The following ATPAF1 variants were observed in gnomAD, a reference collection of about 807,000 sequenced individuals.
ATPAF1 encodes the protein ATP synthase mitochondrial F1 complex assembly factor 1.
A neutral mutation model predicts 43.9 loss-of-function variants in ATPAF1; 26 were observed. That is an observed-to-expected ratio of 0.59 (90% CI 0.43 to 0.82). The LOEUF (loss-of-function observed/expected upper bound fraction) is 0.82, where lower values mean the gene tolerates loss of function less well. ATPAF1 is among the 40% of genes least tolerant of loss of function. ATPAF1 has a pLI of 0.00. For synonymous variants in ATPAF1, 157 were observed against 168.0 expected, an observed-to-expected ratio of 0.93 and a Z score of 0.50; for missense variants, 366 against 435.0, an observed-to-expected ratio of 0.84 and a Z score of 1.41.
intron 8 of ATPAF1, among the ~76,000 whole-genome samples, chr1:46,637,689 C>A (rs1675868403): frequency 6.6e-6 from 1 of 152,200 alleles, no homozygotes; most frequent in Non-Finnish European, 1.5e-5. Context: ...ACTTTCAGGA[C>A]ATTTCTCATG....
At chr1:46,656,127 G>A (rs942741971) in intron 4 of ATPAF1, among the ~76,000 whole-genome samples, 1 of 152,130 alleles carries the variant, frequency 6.6e-6, no homozygotes, top group Middle Eastern at 3.2e-3. Flanking sequence ...GGGACACTTG[G>A]AACTGTATCC....
At chr1:46,668,536 T>A, upstream of ATPAF1, 1 of 508,066 alleles carries the variant, frequency 2.0e-6, no homozygotes, top group Non-Finnish European at 2.7e-6. The surrounding 1 kb of genome is among the most constrained non-coding windows in gnomAD (Gnocchi z 4.4). Flanking sequence ...CCGCCCTGTG[T>A]ATGCCACGGC....
intron 6 of ATPAF1, among the ~76,000 whole-genome samples, chr1:46,651,172 C>T (rs1404247173): frequency 6.6e-6 from 1 of 151,922 alleles, no homozygotes; most frequent in Non-Finnish European, 1.5e-5. Context: ...ACAACAGTCC[C>T]CAGAGTGTGA....
At chr1:46,663,759 T>C (rs1676440528) in intron 2 of ATPAF1, 1 of 903,734 alleles carries the variant, frequency 1.1e-6, no homozygotes, top group Admixed American at 5.0e-5. Context: ...AAAAAAGTAT[T>C]TTCCAAGTAA....
intron 8 of ATPAF1, among the ~76,000 whole-genome samples, chr1:46,637,388 A>C (rs1275022416): frequency 6.6e-6 from 1 of 152,180 alleles, no homozygotes; most frequent in Non-Finnish European, 1.5e-5. Context: ...TCTAAAAATA[A>C]AAATTAAAAA....
intron 2 of ATPAF1, chr1:46,664,752 G>C (rs1284543667): frequency 6.5e-6 from 1 of 152,892 alleles, no homozygotes; most frequent in South Asian, 2.1e-4. Context: ...ATTTACGTAC[G>C]GTCTAGGCCT....
chr1:46,635,164 C>A, exon 9 of ATPAF1: 1 of 153,232 alleles, frequency 6.5e-6, no homozygotes, highest in Non-Finnish European at 1.5e-5. Flanking sequence ...GTATGCAGGC[C>A]CTGTACCTGT....
exon 2 of ATPAF1, chr1:46,665,288 G>C: frequency 6.2e-7 from 1 of 1,614,252 alleles, no homozygotes. Context: ...AAATCACCTT[G>C]CCTGGAATGC....
intron 2 of ATPAF1, 37 bp downstream of exon 2, chr1:46,665,219 C>T (rs370664244): frequency 6.2e-7 from 1 of 1,602,084 alleles, no homozygotes; most frequent in East Asian, 2.2e-5. Flanking sequence ...TGAAGGAGTG[C>T]TGGTAAGCAA....
rs1360105864 is a variant in ATPAF1, at chr1:46,661,893, C to CT, written c.376-3157dup. Among the ~76,000 whole-genome samples the CT allele has an allele frequency of 4.7e-3, 664 of 140,462 alleles. 17 individuals carry two copies. Among genetic ancestry groups the CT allele is most frequent in the African/African-American group, 0.012 (443 of 38,396 alleles). 92.1% of individuals were successfully genotyped at this position (140,462 alleles called of 152,430 possible). A position where few individuals can be genotyped will look rare whatever the true frequency, so the allele number is the denominator to read the frequency against. Reference sequence around the variant, plus strand: ...TACATTTTATCATAAAGCTAAATTTCTTTCTTTTTTTTTTTTTTTAAGATG... The same window carrying CT: ...TACATTTTATCATAAAGCTAAATTTCTTTTCTTTTTTTTTTTTTTTAAGATG... On this transcript the variant is annotated intron_variant, in intron 2 of 8. Coordinates refer to ENST00000574428, the Ensembl canonical transcript of ATPAF1.
At chr1:46,645,763 C>T (rs1569602938) in intron 6 of ATPAF1, among the ~76,000 whole-genome samples, 1 of 152,210 alleles carries the variant, frequency 6.6e-6, no homozygotes, top group South Asian at 2.1e-4. Flanking sequence ...TTGAGGTTCC[C>T]TCTGCATTCC....
chr1:46,645,281 G>A (rs1380189045), intron 6 of ATPAF1, 25 bp from the exon 7 acceptor site: 1 of 1,524,380 alleles, frequency 6.6e-7, no homozygotes, highest in African/African-American at 1.4e-5. Context: ...TATACAAGGA[G>A]ACAGATGAAT....
In ATPAF1 at chr1:46,668,336, T is replaced by G; in HGVS notation, c.-14A>C. The G allele has an allele frequency of 1.5e-6, 2 of 1,328,522 alleles. No individual in the cohort carries two copies. The highest frequency in any genetic ancestry group is 1.8e-5 in the South Asian group (1 of 54,522). 82.3% of individuals were successfully genotyped at this position (1,328,522 alleles called of 1,614,324 possible). A position where few individuals can be genotyped will look rare whatever the true frequency, so the allele number is the denominator to read the frequency against. On this transcript the variant is annotated 5_prime_UTR_variant, in exon 1 of 9. Transcript: ENST00000574428. The surrounding 1 kb of genome is among the most constrained non-coding windows in gnomAD (Gnocchi z 4.4). ...CACAGCAGCCATGGCCGCCCCCGCC[T>G]CCTCCTCCTCCTCAGGCGCGTCGGC...
intron 6 of ATPAF1, 55 bp from the exon 7 acceptor site, chr1:46,645,311 A>G (rs985390668): frequency 7.5e-7 from 1 of 1,331,488 alleles, no homozygotes; most frequent in African/African-American, 1.5e-5. Flanking sequence ...TATTTGCTCT[A>G]TATCCAACCA....
rs879084087 is a variant in ATPAF1 at position 46,635,735 on chromosome 1, G to A, written c.*41C>T. The A allele has an allele frequency of 1.6e-5, 25 of 1,571,544 alleles. No individual in the cohort carries two copies. The East Asian group carries it at 2.2e-4, about 14-fold the overall frequency. On this transcript the variant is annotated 3_prime_UTR_variant, in exon 9 of 9. Coordinates refer to ENST00000574428, the Ensembl canonical transcript of ATPAF1. ...AGGAGGGGGTGGGCTCTAGACTATC[G>A]AGGGCTGAGTCAACTAGGTGAAGGG...
intron 6 of ATPAF1, among the ~76,000 whole-genome samples, chr1:46,649,191 T>C (rs636122): frequency 0.14 from 20,915 of 151,366 alleles, 3,768 homozygotes; most frequent in East Asian, 0.39. Context: ...ACATTTACTT[T>C]TATGATCTAC....
rs1315292661 is a variant in ATPAF1, at chr1:46,653,836, G to GT, written c.520dup (p.Thr174AsnfsTer12). 1 of 1,610,916 alleles carries GT rather than the reference G, an allele frequency of 6.2e-7. No individual in the cohort carries two copies. Among genetic ancestry groups the GT allele is most frequent in the South Asian group, 1.1e-5 (1 of 90,200 alleles). ...ACTTACAGGAATAACTGCGTAGACT[G>GT]TATCTTTTGCTGCAAAATATTGCTG... On this transcript the variant is annotated frameshift_variant, in exon 5 of 9. Transcript: ENST00000574428. LOFTEE classifies it high-confidence loss of function. The surrounding 1 kb of genome is among the most constrained non-coding windows in gnomAD (Gnocchi z 4.8).
chr1:46,648,949 A>G (rs2148819132), intron 6 of ATPAF1, among the ~76,000 whole-genome samples: 1 of 152,122 alleles, frequency 6.6e-6, no homozygotes, highest in Non-Finnish European at 1.5e-5. Flanking sequence ...ACTGCACTAC[A>G]GCCTGGGCAA....
intron 4 of ATPAF1, 96 bp downstream of exon 4, chr1:46,658,031 T>C (rs1239527823): frequency 8.4e-7 from 1 of 1,189,014 alleles, no homozygotes; most frequent in Non-Finnish European, 1.2e-6. Context: ...TTACCTTTCA[T>C]TGTGGCTAGA....
Sources: gnomAD v4.1 joint callset for allele counts (sites outside exome capture counted in the v4.1 genomes callset) on GRCh38, gnomAD v4.1.1 for gene constraint, Gnocchi (gnomAD v3.1) non-coding constraint, MANE v1.5 for transcripts, NCBI Gene and HGNC (gene_info 2026-07-23, HGNC 2026-07-21) for gene names.